Variants in TEKT5 observed in about 807,000 individuals in gnomAD.
TEKT5 encodes the protein tektin-5.
Under a neutral mutation model 48.7 loss-of-function variants are expected in TEKT5, and 52 were observed. The ratio of observed to expected loss-of-function variants is 1.07; its 90% confidence interval spans 0.86 to 1.35. The LOEUF (loss-of-function observed/expected upper bound fraction) is 1.35, where lower values mean the gene tolerates loss of function less well. Ranked by LOEUF, TEKT5 falls within the 40% of genes most tolerant of loss-of-function variation. TEKT5 has a pLI of 0.00. For missense variants in TEKT5, 831 were observed against 641.6 expected, an observed-to-expected ratio of 1.30 and a Z score of -3.19; for synonymous variants, 318 against 267.6, an observed-to-expected ratio of 1.19 and a Z score of -1.84.
At position 10,667,880 on chromosome 16, in the gene TEKT5, ATT is replaced by A. The variant is rs59048654; in HGVS notation, c.1086+8077_1086+8078del. ...GCAAAATGGGAAAAATAAGTTAATAATTTTTTTTTTTTTTTGAGATGGAGACT... is the reference window on the plus strand; with the variant it reads ...GCAAAATGGGAAAAATAAGTTAATAATTTTTTTTTTTTTGAGATGGAGACT... On this transcript the variant is annotated intron_variant, in intron 5 of 6. Transcript: ENST00000283025. Among the ~76,000 whole-genome samples the A allele has an allele frequency of 4.5e-4, 30 of 67,392 alleles. No homozygotes were observed. The East Asian group carries it at 0.013, about 28-fold the overall frequency. The allele number at this position is 67,392 out of a possible 152,430, so 44.2% of individuals were successfully genotyped here.
Position 10,676,162 on chromosome 16 carries a change from A to G in TEKT5, c.883T>C (p.Trp295Arg), listed in dbSNP as rs1283502254. 3 of 1,614,080 alleles carry G rather than the reference A, an allele frequency of 1.9e-6. No individual in the cohort carries two copies. The highest frequency in any genetic ancestry group is 2.5e-6 in the Non-Finnish European group (3 of 1,180,042). ...IDGTISVPETWAKFSNDNIKH... is the reference protein window; with the variant it reads ...IDGTISVPETRAKFSNDNIKH... ...ATGTTGTCGTTACTGAACTTGGCCCAGGTCTCAGGTACGGAGATCCTGCAA... is the reference window on the plus strand; with the variant it reads ...ATGTTGTCGTTACTGAACTTGGCCCGGGTCTCAGGTACGGAGATCCTGCAA... The change falls in exon 5 of 7, where the codon TGG (tryptophan) becomes CGG (arginine). Residue 295 changes from tryptophan (W) to arginine (R), a missense_variant. By Grantham distance (101) the Trp-to-Arg change is moderately radical. Coordinates refer to ENST00000283025, the MANE Select transcript of TEKT5 (RefSeq NM_144674.2).
chr16:10,649,976 G>A (rs1898127927), intron 5 of TEKT5, among the ~76,000 whole-genome samples: 1 of 152,124 alleles, frequency 6.6e-6, no homozygotes, highest in Non-Finnish European at 1.5e-5. Context: ...GGAACTGACA[G>A]CTGCCTGTTT....
chr16:10,627,592 G>GC lies in TEKT5; in HGVS notation c.1448dup (p.His484ProfsTer15), dbSNP rs1248246515. 1.1e-5 allele frequency: 17 copies of GC among 1,613,974 alleles called. No homozygotes were observed. The highest frequency in any genetic ancestry group is 1.3e-5 in the African/African-American group (1 of 74,944). On this transcript the variant is annotated frameshift_variant, in exon 7 of 7. Coordinates refer to ENST00000283025, the MANE Select transcript of TEKT5 (RefSeq NM_144674.2). LOFTEE classifies it high-confidence loss of function. Reference sequence around the variant, plus strand: ...GGCGCCAGGGCGGTGCTCAGGTGTGGCCCACCAGGCGCGGGGTGCAGGGGA... The same window carrying GC: ...GGCGCCAGGGCGGTGCTCAGGTGTGGCCCCACCAGGCGCGGGGTGCAGGGGA...
At chr16:10,658,724 C>CT (rs1555466067) in intron 5 of TEKT5, among the ~76,000 whole-genome samples, 35 of 147,346 alleles carry the variant, frequency 2.4e-4, no homozygotes, top group Middle Eastern at 3.5e-3. Flanking sequence ...ATTTCTTTTT[C>CT]TTTTTTTTTT....
chr16:10,691,203 C>A (rs188103324), intron 1 of TEKT5: 1 of 152,408 alleles, frequency 6.6e-6, no homozygotes, highest in African/African-American at 2.4e-5. Flanking sequence ...GTGGTGCATG[C>A]CTATAGTCCC....
At chr16:10,648,205 A>C (rs2466126) in intron 5 of TEKT5, among the ~76,000 whole-genome samples, 15,831 of 152,228 alleles carry the variant, frequency 0.1, 923 homozygotes, top group African/African-American at 0.17. Context: ...ATTTATCAAG[A>C]GTTTACTCCA....
chr16:10,666,744 C>T (rs1003978614), intron 5 of TEKT5, among the ~76,000 whole-genome samples: 7 of 152,176 alleles, frequency 4.6e-5, no homozygotes, highest in Admixed American at 1.3e-4. Context: ...CAATACAAGG[C>T]GTGAGAACTG....
At chr16:10,650,360 C>A (rs2142273311) in intron 5 of TEKT5, among the ~76,000 whole-genome samples, 1 of 152,082 alleles carries the variant, frequency 6.6e-6, no homozygotes, top group East Asian at 2.0e-4. Context: ...CTCGGCCTCC[C>A]AAAGTGCTGG....
intron 5 of TEKT5, among the ~76,000 whole-genome samples, chr16:10,645,459 C>A (rs1454252997): frequency 6.6e-6 from 1 of 152,082 alleles, no homozygotes; most frequent in Non-Finnish European, 1.5e-5. Flanking sequence ...CTGCAGTGAG[C>A]CGTGATGCAC....
In TEKT5 at chr16:10,681,370, A is replaced by ACTCTCTCTCTCTCT. The variant is rs1458051750; in HGVS notation, c.863+622_863+623insAGAGAGAGAGAGAG. On this transcript the variant is annotated intron_variant, in intron 4 of 6. Transcript: ENST00000283025. ...GCCACGTAGCCTGGCTCCAGATTCC[A>ACTCTCTCTCTCTCT]CTCTCTGTCTCTCTCTCTCTCTCTC... 6.1e-5 allele frequency among the ~76,000 whole-genome samples: 9 copies of ACTCTCTCTCTCTCT among 147,950 alleles called. 1 individual carries two copies. The highest frequency in any genetic ancestry group is 2.0e-4 in the African/African-American group (8 of 39,874).
At position 10,690,852 on chromosome 16, in the gene TEKT5, G is replaced by T. The variant is rs950071946; in HGVS notation, c.565-827C>A. 3.3e-6 allele frequency: 3 copies of T among 902,190 alleles called. No homozygotes were observed. In the African/African-American group the frequency reaches 5.4e-5, roughly 16 times the overall value. The allele number at this position is 902,190 out of a possible 1,614,324, so 55.9% of individuals were successfully genotyped here. A position where few individuals can be genotyped will look rare whatever the true frequency, so the allele number is the denominator to read the frequency against. On this transcript the variant is annotated intron_variant, in intron 1 of 6. Coordinates refer to ENST00000283025, the MANE Select transcript of TEKT5 (RefSeq NM_144674.2). Reference sequence around the variant, plus strand: ...GAGCAGAAGGAAGCAGGATGTCAAGGTCTGGATGTCAGGATGCAAATGTAT... The same window carrying T: ...GAGCAGAAGGAAGCAGGATGTCAAGTTCTGGATGTCAGGATGCAAATGTAT...
At chr16:10,655,861 C>T (rs1007715744) in intron 5 of TEKT5, among the ~76,000 whole-genome samples, 1 of 152,140 alleles carries the variant, frequency 6.6e-6, no homozygotes, top group South Asian at 2.1e-4. Context: ...ACCATGAAGC[C>T]ATCTTGCAAC....
chr16:10,664,186 G>T (rs1412977781), intron 5 of TEKT5, among the ~76,000 whole-genome samples: 1 of 152,148 alleles, frequency 6.6e-6, no homozygotes, highest in African/African-American at 2.4e-5. Flanking sequence ...TGAGGGCAGA[G>T]ATCTTGTCTG....
intron 5 of TEKT5, among the ~76,000 whole-genome samples, chr16:10,649,291 T>TG: frequency 6.6e-6 from 1 of 152,164 alleles, no homozygotes; most frequent in South Asian, 2.1e-4. Flanking sequence ...GCTAATTTTT[T>TG]GTAGAGATGG....
At chr16:10,687,424 T>G (rs1898882488) in intron 3 of TEKT5, among the ~76,000 whole-genome samples, 1 of 152,218 alleles carries the variant, frequency 6.6e-6, no homozygotes, top group Non-Finnish European at 1.5e-5. Context: ...GTCCCAATTC[T>G]CCCTTTGTTA....
chr16:10,678,886 T>G (rs1336064149), intron 4 of TEKT5, among the ~76,000 whole-genome samples: 1 of 152,088 alleles, frequency 6.6e-6, no homozygotes, highest in Non-Finnish European at 1.5e-5. Flanking sequence ...TGTGTCTCAG[T>G]AGGGGGAAGT....
intron 5 of TEKT5, among the ~76,000 whole-genome samples, chr16:10,665,898 G>A (rs1898447940): frequency 6.6e-6 from 1 of 152,192 alleles, no homozygotes; most frequent in African/African-American, 2.4e-5. Flanking sequence ...ACAGATAGCA[G>A]AGCCTCTGAA....
chr16:10,660,551 C>T (rs983520126), intron 5 of TEKT5, among the ~76,000 whole-genome samples: 8 of 152,152 alleles, frequency 5.3e-5, no homozygotes, highest in African/African-American at 1.9e-4. Flanking sequence ...GAGACAGAGA[C>T]TGGCCAGGTA....
intron 5 of TEKT5, among the ~76,000 whole-genome samples, chr16:10,661,572 GAGACAGGAGGACTCAC>G (rs1204403367): frequency 6.6e-6 from 1 of 152,240 alleles, no homozygotes. Flanking sequence ...GACAAGCTGA[GAGACAGGAGGACTCAC>G]ACCCAGGCAG....
Sources: allele counts gnomAD v4.1 joint callset (sites outside exome capture counted in the v4.1 genomes callset), GRCh38; gene constraint gnomAD v4.1.1; transcripts MANE v1.5; gene names NCBI Gene and HGNC (gene_info 2026-07-23, HGNC 2026-07-21).